Variants in CYB5R3 observed in about 807,000 individuals in gnomAD.
The protein encoded by CYB5R3 is NADH-cytochrome b5 reductase 3.
In CYB5R3, 28 loss-of-function variants were observed where a neutral mutation model predicts 36.5. That is an observed-to-expected ratio of 0.77 (90% CI 0.57 to 1.05). The LOEUF is 1.05. Among genes scored for constraint, CYB5R3 ranks in the 50% least tolerant of loss-of-function variants. CYB5R3 has a pLI of 0.00. For synonymous variants in CYB5R3, 181 were observed against 159.8 expected (o/e 1.13, Z -1.00); for missense variants, 474 against 408.9 (o/e 1.16, Z -1.37).
At chr22:42,636,461 G>C (rs1928897180) in intron 2 of CYB5R3, among the ~76,000 whole-genome samples, 1 of 152,134 alleles carries the variant, frequency 6.6e-6, no homozygotes, top group Non-Finnish European at 1.5e-5. Context: ...AGTTCTGAGG[G>C]GTTCCTTCCA....
At chr22:42,635,668 C>A (rs1928853426) in intron 2 of CYB5R3, among the ~76,000 whole-genome samples, 1 of 152,204 alleles carries the variant, frequency 6.6e-6, no homozygotes, top group South Asian at 2.1e-4. Context: ...GCCATGGAAG[C>A]CTGAGATTCC....
intron 8 of CYB5R3, 150 bp from the exon 9 acceptor site, chr22:42,620,095 C>T: frequency 1.3e-6 from 1 of 793,144 alleles, no homozygotes; most frequent in Non-Finnish European, 2.1e-6. Flanking sequence ...GCCCCCAACC[C>T]TGACTCAAGC....
At chr22:42,644,794 CT>C (rs1185486214) in intron 1 of CYB5R3, among the ~76,000 whole-genome samples, 1 of 152,194 alleles carries the variant, frequency 6.6e-6, no homozygotes, top group Non-Finnish European at 1.5e-5. Flanking sequence ...TGGGGTTGTG[CT>C]TGGTGCTCCC....
At chr22:42,628,855 G>A (rs541213534) in intron 4 of CYB5R3, among the ~76,000 whole-genome samples, 264 of 152,270 alleles carry the variant, frequency 1.7e-3, no homozygotes, top group African/African-American at 5.9e-3. Flanking sequence ...ATGGAGAAGG[G>A]GAAGGTGGCT....
At chr22:42,621,371 C>T (rs1927962735) in intron 8 of CYB5R3, among the ~76,000 whole-genome samples, 1 of 152,174 alleles carries the variant, frequency 6.6e-6, no homozygotes, top group Non-Finnish European at 1.5e-5. Context: ...TGCATGCCAC[C>T]GTGCATGGCT....
intron 1 of CYB5R3, chr22:42,640,207 A>C (rs1929172710): frequency 6.2e-7 from 1 of 1,605,362 alleles, no homozygotes; most frequent in Non-Finnish European, 8.5e-7. Flanking sequence ...TCGAGGCTTC[A>C]AGTAAGTCAC....
chr22:42,644,530 C>A lies in CYB5R3; in HGVS notation c.21+4765G>T, dbSNP rs1052479854. The A allele has an allele frequency of 5.5e-6, 8 of 1,446,180 alleles. No individual in the cohort carries two copies. The African/African-American group carries it at 1.1e-4, about 20-fold the overall frequency. The allele number at this position is 1,446,180 out of a possible 1,614,324, so 89.6% of individuals were successfully genotyped here. On this transcript the variant is annotated intron_variant, in intron 1 of 8. Coordinates refer to ENST00000352397, the MANE Select transcript of CYB5R3 (RefSeq NM_000398.7). ...TTCATTCCTCAGAGCCTAGCTCAAACATCAAATCTTCCCTGATGAGCCCTT... is the reference window on the plus strand; with the variant it reads ...TTCATTCCTCAGAGCCTAGCTCAAAAATCAAATCTTCCCTGATGAGCCCTT...
At chr22:42,640,932 C>G (rs1929235762) in intron 1 of CYB5R3, among the ~76,000 whole-genome samples, 1 of 152,144 alleles carries the variant, frequency 6.6e-6, no homozygotes, top group African/African-American at 2.4e-5. Flanking sequence ...TCTCAGCTCA[C>G]TGCAACCTCC....
intron 8 of CYB5R3, among the ~76,000 whole-genome samples, chr22:42,622,571 G>A (rs1362091859): frequency 6.6e-6 from 1 of 152,132 alleles, no homozygotes; most frequent in Admixed American, 6.5e-5. Flanking sequence ...CTGGAGGCCT[G>A]GAACCCAAGC....
intron 8 of CYB5R3, 131 bp downstream of exon 8, chr22:42,623,658 C>A (rs1928105403): frequency 4.0e-6 from 3 of 741,520 alleles, no homozygotes; most frequent in Non-Finnish European, 7.0e-6. Flanking sequence ...CGGGGCCACA[C>A]CACCTGCCTC....
chr22:42,641,805 G>A (rs1216708088), intron 1 of CYB5R3, among the ~76,000 whole-genome samples: 1 of 151,982 alleles, frequency 6.6e-6, no homozygotes, highest in African/African-American at 2.4e-5. Flanking sequence ...ATTTTTAGTA[G>A]AGCCGGGGTT....
At chr22:42,649,270 GC>G (rs1929660112) in intron 1 of CYB5R3, 24 bp downstream of exon 1, 7 of 975,166 alleles carry the variant, frequency 7.2e-6, no homozygotes, top group South Asian at 4.3e-5. Context: ...ACGCCCCGCG[GC>G]CCCGGCGCCC....
intron 1 of CYB5R3, among the ~76,000 whole-genome samples, chr22:42,642,280 T>A (rs1929318858): frequency 6.6e-6 from 1 of 151,794 alleles, no homozygotes; most frequent in Non-Finnish European, 1.5e-5. Context: ...CCTTGGTAAT[T>A]TTTTTGTATT....
chr22:42,634,772 T>C (rs555521611), intron 2 of CYB5R3, among the ~76,000 whole-genome samples: 1 of 95,414 alleles, frequency 1.0e-5, no homozygotes, highest in Non-Finnish European at 2.0e-5. Flanking sequence ...ATTACAGGCA[T>C]CTGCCACCAC....
At chr22:42,625,456 C>A (rs1031582154) in intron 7 of CYB5R3, among the ~76,000 whole-genome samples, 1 of 152,108 alleles carries the variant, frequency 6.6e-6, no homozygotes, top group Admixed American at 6.5e-5. Flanking sequence ...TGCAGTGAGC[C>A]GAGATTCACG....
intron 8 of CYB5R3, among the ~76,000 whole-genome samples, chr22:42,623,466 G>A (rs527819082): frequency 6.8e-4 from 103 of 152,330 alleles, no homozygotes; most frequent in Non-Finnish European, 9.1e-4. Flanking sequence ...CCGCTGCCCC[G>A]AGACTTGCCC....
At chr22:42,631,505 C>T (rs8190429) in intron 2 of CYB5R3, 55 bp from the exon 3 acceptor site, 82 of 1,495,044 alleles carry the variant, frequency 5.5e-5, no homozygotes, top group African/African-American at 5.0e-4. Context: ...CCTCCCAGGG[C>T]GGCTCCCAGG....
chr22:42,637,794 C>T (rs5751315), intron 1 of CYB5R3, among the ~76,000 whole-genome samples: 41,855 of 152,112 alleles, frequency 0.28, 7,119 homozygotes, highest in South Asian at 0.4. Flanking sequence ...AAAGGCAAAG[C>T]GACTCACCCA....
At chr22:42,629,922 C>T (rs1264397261) in intron 4 of CYB5R3, among the ~76,000 whole-genome samples, 2 of 152,118 alleles carry the variant, frequency 1.3e-5, no homozygotes. Context: ...CTCAGCCTCC[C>T]AAGTAGCTGG....
Sources: gnomAD v4.1 joint callset for allele counts (sites outside exome capture counted in the v4.1 genomes callset) on GRCh38, gnomAD v4.1.1 for gene constraint, MANE v1.5 for transcripts, NCBI Gene and HGNC (gene_info 2026-07-23, HGNC 2026-07-21) for gene names.